Variants in ADAM18 observed in about 807,000 individuals in gnomAD.
ADAM18 encodes the protein disintegrin and metalloproteinase domain-containing protein 18.
A neutral mutation model predicts 94.4 loss-of-function variants in ADAM18; 117 were observed. That is an observed-to-expected ratio of 1.24 (90% CI 1.07 to 1.45). The LOEUF (loss-of-function observed/expected upper bound fraction) is 1.45. ADAM18 is among the 40% of genes most tolerant of loss of function. The probability of loss-of-function intolerance (pLI) is 0.00; values close to 1 mark genes in which losing one functional copy is unlikely to be tolerated. For missense variants in ADAM18, 936 were observed against 880.0 expected, an observed-to-expected ratio of 1.06 and a Z score of -0.81; for synonymous variants, 327 against 291.6, an observed-to-expected ratio of 1.12 and a Z score of -1.24.
rs554817569 is a variant in ADAM18 at position 39,708,253 on chromosome 8, G to A, written c.2017+1349G>A. ...GGAGTGACTACTGTAATCTTACACA[G>A]TATTTATAATCAGATATTCTCAGAG... is the stretch of plus-strand genomic sequence containing the variant. On this transcript the variant is annotated intron_variant, in intron 18 of 19. Coordinates refer to ENST00000265707, the MANE Select transcript of ADAM18 (RefSeq NM_014237.3). Among the ~76,000 whole-genome samples, 41 of 152,230 alleles carry A rather than the reference G, an allele frequency of 2.7e-4. No individual in the cohort carries two copies. In the South Asian group the frequency reaches 7.5e-3, roughly 28 times the overall value.
At chr8:39,673,304 G>A (rs182512625) in intron 14 of ADAM18, among the ~76,000 whole-genome samples, 10 of 152,086 alleles carry the variant, frequency 6.6e-5, no homozygotes, top group African/African-American at 2.2e-4. Flanking sequence ...CCCCTGATTT[G>A]GCAAGTGTAT....
At chr8:39,659,014 T>C (rs532566108) in intron 12 of ADAM18, among the ~76,000 whole-genome samples, 2 of 152,322 alleles carry the variant, frequency 1.3e-5, no homozygotes, top group East Asian at 1.9e-4. Context: ...ACACTTCACA[T>C]TTCCAACTTG....
At chr8:39,713,062 A>G (rs1822463555) in intron 18 of ADAM18, among the ~76,000 whole-genome samples, 1 of 152,214 alleles carries the variant, frequency 6.6e-6, no homozygotes, top group African/African-American at 2.4e-5. Flanking sequence ...ACAGTAACCA[A>G]AAGAGCATGG....
chr8:39,670,462 A>G (rs28496657), intron 14 of ADAM18, among the ~76,000 whole-genome samples: 11,357 of 152,228 alleles, frequency 0.075, 1,319 homozygotes, highest in African/African-American at 0.25. Context: ...TATATGGGAC[A>G]TGTTAACTAA....
chr8:39,618,230 C>T (rs529535647), intron 6 of ADAM18, among the ~76,000 whole-genome samples: 1 of 152,146 alleles, frequency 6.6e-6, no homozygotes, highest in Non-Finnish European at 1.5e-5. Flanking sequence ...TAGACACACA[C>T]AAGCTAGTGA....
intron 2 of ADAM18, among the ~76,000 whole-genome samples, chr8:39,590,989 A>G (rs546665274): frequency 2.1e-4 from 32 of 152,368 alleles, no homozygotes; most frequent in African/African-American, 7.0e-4. Flanking sequence ...CTGGTATCCC[A>G]GTGCATACCA....
intron 17 of ADAM18, among the ~76,000 whole-genome samples, chr8:39,694,313 G>C (rs891926726): frequency 6.6e-6 from 1 of 151,042 alleles, no homozygotes; most frequent in African/African-American, 2.4e-5. Context: ...TTTTACCAAA[G>C]ACTTTTTCTG....
intron 2 of ADAM18, among the ~76,000 whole-genome samples, chr8:39,594,793 G>GTTTTTTTTTTTTTTTTTTTTTTTGT (rs1818688796): frequency 8.5e-5 from 4 of 46,866 alleles, no homozygotes; most frequent in Non-Finnish European, 1.2e-4. Context: ...TTTGCTGTGA[G>GTTTTTTTTTTTTTTTTTTTTTTTGT]TTTTTTTTTT....
intron 13 of ADAM18, 121 bp from the exon 14 acceptor site, chr8:39,667,877 G>A: frequency 1.0e-6 from 1 of 997,398 alleles, no homozygotes; most frequent in South Asian, 1.6e-5. Context: ...CACGGACTTG[G>A]GAACTCTGGT....
At chr8:39,650,560 A>G (rs1424574534) in intron 12 of ADAM18, among the ~76,000 whole-genome samples, 1 of 152,218 alleles carries the variant, frequency 6.6e-6, no homozygotes, top group East Asian at 1.9e-4. Context: ...AAAAATAAAT[A>G]CTTGGGAATA....
At chr8:39,692,879 A>G (rs962309609) in intron 17 of ADAM18, among the ~76,000 whole-genome samples, 199 bp downstream of exon 17, 1 of 151,702 alleles carries the variant, frequency 6.6e-6, no homozygotes, top group African/African-American at 2.4e-5. Context: ...AAGCAGTCAC[A>G]ACTTAGTAAT....
At chr8:39,655,657 A>C (rs1304855605) in intron 12 of ADAM18, among the ~76,000 whole-genome samples, 1 of 152,126 alleles carries the variant, frequency 6.6e-6, no homozygotes, top group African/African-American at 2.4e-5. Flanking sequence ...CCAAAGCAAC[A>C]AAAAGAAAAT....
chr8:39,597,000 T>A (rs1818762441), intron 2 of ADAM18, among the ~76,000 whole-genome samples: 1 of 152,204 alleles, frequency 6.6e-6, no homozygotes. Flanking sequence ...TATACCACTG[T>A]CCTTATGGAT....
intron 7 of ADAM18, among the ~76,000 whole-genome samples, chr8:39,634,722 A>G (rs76443031): frequency 0.032 from 4,814 of 152,266 alleles, 272 homozygotes; most frequent in African/African-American, 0.11. Context: ...AACTTGTTCA[A>G]TTTCATAGAC....
intron 2 of ADAM18, among the ~76,000 whole-genome samples, chr8:39,603,292 A>G (rs1818963438): frequency 6.6e-6 from 1 of 152,300 alleles, no homozygotes; most frequent in Middle Eastern, 3.4e-3. Context: ...GAAATTAGAT[A>G]AGGTAATTTC....
intron 14 of ADAM18, among the ~76,000 whole-genome samples, chr8:39,676,017 G>A (rs1042707779): frequency 1.3e-5 from 2 of 152,188 alleles, no homozygotes; most frequent in Admixed American, 6.5e-5. Flanking sequence ...CCCTCTGGAA[G>A]GGTCATCCCA....
At chr8:39,619,901 T>C (rs910316042) in intron 6 of ADAM18, among the ~76,000 whole-genome samples, 1 of 152,054 alleles carries the variant, frequency 6.6e-6, no homozygotes, top group Non-Finnish European at 1.5e-5. Context: ...CTAAAATGTA[T>C]ATGCAACAAG....
intron 6 of ADAM18, among the ~76,000 whole-genome samples, chr8:39,615,241 A>G (rs1819403554): frequency 6.6e-6 from 1 of 151,634 alleles, no homozygotes. Flanking sequence ...AAAAAAAAAC[A>G]TACGGACCAC....
chr8:39,722,602 A>G (rs1050137560), intron 18 of ADAM18, among the ~76,000 whole-genome samples: 6 of 151,540 alleles, frequency 4.0e-5, no homozygotes, highest in African/African-American at 1.5e-4. Flanking sequence ...TGATAGGTAC[A>G]CTAAAAGCCT....
Sources: gnomAD v4.1 joint callset for allele counts (sites outside exome capture counted in the v4.1 genomes callset) on GRCh38, gnomAD v4.1.1 for gene constraint, MANE v1.5 for transcripts, NCBI Gene and HGNC (gene_info 2026-07-23, HGNC 2026-07-21) for gene names.